SRPK1: variants seen among roughly 807,000 people sequenced by gnomAD.
SRPK1 encodes SFRS protein kinase 1.
SRPK1 carries 52 observed loss-of-function variants against 89.5 expected under a neutral mutation model. That is an observed-to-expected ratio of 0.58 (90% CI 0.46 to 0.73). The LOEUF (loss-of-function observed/expected upper bound fraction) is 0.73. SRPK1 is among the 30% of genes least tolerant of loss of function. SRPK1 has a pLI of 0.00. For synonymous variants in SRPK1, 255 were observed against 270.2 expected (o/e 0.94, Z 0.55); for missense variants, 603 against 780.6 (o/e 0.77, Z 2.71).
intron 6 of SRPK1, among the ~76,000 whole-genome samples, chr6:35,881,690 T>C (rs1770295128): frequency 6.6e-6 from 1 of 151,932 alleles, no homozygotes; most frequent in Non-Finnish European, 1.5e-5. Flanking sequence ...AGGTTCAACA[T>C]ACCACCAAGA....
chr6:35,888,040 A>G lies in SRPK1; in HGVS notation c.374T>C (p.Ile125Thr), dbSNP rs768956507. 1 of 1,601,594 alleles carries G rather than the reference A, an allele frequency of 6.2e-7. No homozygotes were observed. Among genetic ancestry groups the G allele is most frequent in the Non-Finnish European group, 8.5e-7 (1 of 1,176,382 alleles). The change falls in exon 5 of 16, where the codon ATC (isoleucine) becomes ACC (threonine). Residue 125 changes from isoleucine (I) to threonine (T), a missense_variant. Ile to Thr is a moderately conservative substitution (Grantham distance 89). Transcript: ENST00000373825. ...EHYTETALDEIRLLKSVRNSD... is the reference protein window; with the variant it reads ...EHYTETALDETRLLKSVRNSD... ...AATACTCACTGACTTCAGCAACCGG[A>G]TTTCATCTAGTGCTGTTTCAGTGTA... is the stretch of plus-strand genomic sequence containing the variant.
At chr6:35,882,246 T>C (rs924135037) in intron 6 of SRPK1, among the ~76,000 whole-genome samples, 1 of 149,328 alleles carries the variant, frequency 6.7e-6, no homozygotes, top group East Asian at 1.9e-4. Context: ...CTAGAGAAAC[T>C]TGTGACTAAG....
intron 6 of SRPK1, among the ~76,000 whole-genome samples, chr6:35,884,184 A>G (rs76499274): frequency 6.6e-6 from 1 of 151,626 alleles, no homozygotes; most frequent in Admixed American, 6.6e-5. Context: ...ATACAGCATG[A>G]AAAAAAAAGT....
intron 6 of SRPK1, among the ~76,000 whole-genome samples, chr6:35,884,145 G>C (rs1057048275): frequency 6.6e-6 from 1 of 151,922 alleles, no homozygotes; most frequent in Non-Finnish European, 1.5e-5. Context: ...GGCACATTAT[G>C]AATAAGAGGA....
At chr6:35,839,509 G>A (rs1769256627) in intron 14 of SRPK1, among the ~76,000 whole-genome samples, 1 of 152,070 alleles carries the variant, frequency 6.6e-6, no homozygotes, top group Non-Finnish European at 1.5e-5. Flanking sequence ...ATAGCTGCTT[G>A]ATGATCTGTA....
rs1482480426 is a variant in SRPK1, at chr6:35,834,304, C to T, written c.*1000G>A. On this transcript the variant is annotated 3_prime_UTR_variant, in exon 16 of 16. Coordinates refer to ENST00000373825, the MANE Select transcript of SRPK1 (RefSeq NM_003137.5). Reference sequence around the variant, plus strand: ...GCCATAGAGGAAAACTGCTTCAAGGCCAGAATTTTGGGTAAGGTAAAGAAA... The same window carrying T: ...GCCATAGAGGAAAACTGCTTCAAGGTCAGAATTTTGGGTAAGGTAAAGAAA... The T allele has an allele frequency of 6.6e-6, 1 of 152,294 alleles. No individual in the cohort carries two copies. Among genetic ancestry groups the T allele is most frequent in the African/African-American group, 2.4e-5 (1 of 41,386 alleles). 9.4% of individuals were successfully genotyped at this position (152,294 alleles called of 1,614,324 possible). A position where few individuals can be genotyped will look rare whatever the true frequency, so the allele number is the denominator to read the frequency against.
chr6:35,886,237 T>C (rs983162862), intron 6 of SRPK1, among the ~76,000 whole-genome samples: 3 of 152,098 alleles, frequency 2.0e-5, no homozygotes, highest in African/African-American at 7.2e-5. Flanking sequence ...CCTGCCACCA[T>C]GCCCAGCTAA....
chr6:35,899,585 C>T (rs2127262557), intron 2 of SRPK1, among the ~76,000 whole-genome samples: 1 of 152,272 alleles, frequency 6.6e-6, no homozygotes, highest in South Asian at 2.1e-4. Flanking sequence ...CAGTTAAAGT[C>T]CATTACACAT....
rs780142815 is a variant in SRPK1 at position 35,872,533 on chromosome 6, T to C, written c.751+30A>G. On this transcript the variant is annotated intron_variant, in intron 8 of 15. Coordinates refer to ENST00000373825, the MANE Select transcript of SRPK1 (RefSeq NM_003137.5). Reference sequence around the variant, plus strand: ...ATAGAAATTTCTTTTTAACTTCTAATGATAGCGAAGTCCCTAAAAGAAAAT... The same window carrying C: ...ATAGAAATTTCTTTTTAACTTCTAACGATAGCGAAGTCCCTAAAAGAAAAT... 3.2e-5 allele frequency: 49 copies of C among 1,547,364 alleles called. 1 individual carries two copies. The South Asian group carries it at 5.2e-4, about 16-fold the overall frequency.
At chr6:35,873,043 T>C (rs954428951) in intron 7 of SRPK1, among the ~76,000 whole-genome samples, 2 of 152,216 alleles carry the variant, frequency 1.3e-5, no homozygotes, top group African/African-American at 4.8e-5. Context: ...AGTGTTGTAA[T>C]GTAGGTGCTG....
intron 2 of SRPK1, among the ~76,000 whole-genome samples, chr6:35,912,681 G>A (rs1770995809): frequency 1.3e-5 from 2 of 152,052 alleles, no homozygotes; most frequent in Admixed American, 6.6e-5. Context: ...GTGATAGAGA[G>A]GATTTGGAGA....
intron 2 of SRPK1, 146 bp downstream of exon 2, chr6:35,920,322 G>T: frequency 1.2e-6 from 1 of 828,418 alleles, no homozygotes; most frequent in Non-Finnish European, 2.1e-6. Flanking sequence ...CATGGTTGCT[G>T]GAGAGCGACC....
At chr6:35,896,297 G>A (rs1456961885) in intron 2 of SRPK1, among the ~76,000 whole-genome samples, 1 of 152,184 alleles carries the variant, frequency 6.6e-6, no homozygotes, top group Admixed American at 6.5e-5. Context: ...TGATTGGGTG[G>A]TGTATGGCAG....
chr6:35,842,386 T>C (rs910583704), intron 14 of SRPK1, 149 bp downstream of exon 14: 2 of 516,784 alleles, frequency 3.9e-6, no homozygotes, highest in East Asian at 3.3e-5. Flanking sequence ...AAACCTAATA[T>C]AAAATGTCTT....
intron 13 of SRPK1, among the ~76,000 whole-genome samples, chr6:35,855,170 C>T (rs1483766999): frequency 2.0e-5 from 3 of 152,090 alleles, no homozygotes; most frequent in South Asian, 2.1e-4. Flanking sequence ...GGCATGGTGG[C>T]GGCCACCTGT....
intron 14 of SRPK1, chr6:35,838,728 T>C (rs767096095): frequency 9.8e-6 from 14 of 1,425,194 alleles, no homozygotes; most frequent in Non-Finnish European, 1.2e-5. Context: ...AGAAGTCTTG[T>C]GAATATTTCC....
chr6:35,897,780 G>C (rs1351568247), intron 2 of SRPK1, among the ~76,000 whole-genome samples: 1 of 152,178 alleles, frequency 6.6e-6, no homozygotes, highest in Non-Finnish European at 1.5e-5. Context: ...CCAAATTGCT[G>C]AGATTACAGG....
chr6:35,871,759 T>A (rs1418801081), intron 8 of SRPK1, among the ~76,000 whole-genome samples: 1 of 152,212 alleles, frequency 6.6e-6, no homozygotes, highest in African/African-American at 2.4e-5. Context: ...ATTTTATGTC[T>A]TAGACAGGGT....
In SRPK1 at chr6:35,833,460, G is replaced by C. The variant is rs1769105648; in HGVS notation, c.*1844C>G. Reference sequence around the variant, plus strand: ...ATTTTACTATGTAGAAGATAATTCAGTTCTAGTCTATTGCTTTAGATGTAA... The same window carrying C: ...ATTTTACTATGTAGAAGATAATTCACTTCTAGTCTATTGCTTTAGATGTAA... On this transcript the variant is annotated 3_prime_UTR_variant, in exon 16 of 16. Coordinates refer to ENST00000373825, the MANE Select transcript of SRPK1 (RefSeq NM_003137.5). The C allele has an allele frequency of 6.6e-6, 1 of 152,550 alleles. No individual in the cohort carries two copies. 9.4% of individuals were successfully genotyped at this position (152,550 alleles called of 1,614,324 possible).
Sources: allele counts gnomAD v4.1 joint callset (sites outside exome capture counted in the v4.1 genomes callset), GRCh38; gene constraint gnomAD v4.1.1; transcripts MANE v1.5; gene names NCBI Gene and HGNC (gene_info 2026-07-23, HGNC 2026-07-21).